Variants in CORIN observed in about 807,000 individuals in gnomAD.
CORIN encodes atrial natriuretic peptide-converting enzyme.
Under a neutral mutation model 125.3 loss-of-function variants are expected in CORIN, and 117 were observed. That is an observed-to-expected ratio of 0.93 (90% CI 0.80 to 1.09). The LOEUF is 1.09. Ranked by LOEUF, CORIN falls within the 50% of genes least tolerant of loss-of-function variation. The pLI is 0.00. For synonymous variants in CORIN, 450 were observed against 466.4 expected, an observed-to-expected ratio of 0.96 and a Z score of 0.45; for missense variants, 1,253 against 1,306.7, an observed-to-expected ratio of 0.96 and a Z score of 0.63.
intron 3 of CORIN, among the ~76,000 whole-genome samples, chr4:47,782,230 C>T (rs779153190): frequency 1.1e-4 from 17 of 151,508 alleles, no homozygotes; most frequent in Non-Finnish European, 2.2e-4. Context: ...ACTAAAAATA[C>T]AAAAATTAGC....
intron 1 of CORIN, among the ~76,000 whole-genome samples, chr4:47,834,625 TAAC>T (rs1295985134): frequency 1.3e-5 from 2 of 152,122 alleles, no homozygotes; most frequent in Non-Finnish European, 2.9e-5. Flanking sequence ...AAAATAATAA[TAAC>T]AATAATAAAG....
intron 10 of CORIN, among the ~76,000 whole-genome samples, chr4:47,671,751 A>AT (rs964189302): frequency 2.5e-3 from 362 of 146,914 alleles, no homozygotes; most frequent in African/African-American, 7.2e-3. Context: ...TGCCCGGCTA[A>AT]TTTTTTTTTT....
At chr4:47,740,031 G>C (rs1273968231) in intron 5 of CORIN, among the ~76,000 whole-genome samples, 2 of 151,838 alleles carry the variant, frequency 1.3e-5, no homozygotes, top group Non-Finnish European at 3.0e-5. Flanking sequence ...AAAAGTCATA[G>C]AGAAAACAAA....
intron 10 of CORIN, among the ~76,000 whole-genome samples, chr4:47,668,854 A>G (rs1489997470): frequency 6.6e-6 from 1 of 152,242 alleles, no homozygotes; most frequent in African/African-American, 2.4e-5. Context: ...TGAATTCGGT[A>G]AGGTTTATTG....
intron 13 of CORIN, among the ~76,000 whole-genome samples, chr4:47,648,297 G>C (rs1417365079): frequency 2.0e-5 from 3 of 152,200 alleles, no homozygotes; most frequent in South Asian, 2.1e-4. Context: ...CTCCAGCACA[G>C]AGACAATAGC....
chr4:47,815,420 T>G (rs957824099), intron 1 of CORIN, among the ~76,000 whole-genome samples: 2 of 152,144 alleles, frequency 1.3e-5, no homozygotes, highest in African/African-American at 4.8e-5. Flanking sequence ...GGAGAATAGT[T>G]TAGCCTTTTA....
intron 16 of CORIN, among the ~76,000 whole-genome samples, chr4:47,633,316 A>G (rs1722912376): frequency 6.6e-6 from 1 of 152,202 alleles, no homozygotes; most frequent in Non-Finnish European, 1.5e-5. Context: ...AATGTGAACT[A>G]AAATTTAAAT....
rs757250137 is a variant in CORIN, at chr4:47,744,498, G to T, written c.703C>A (p.Pro235Thr). 4.3e-6 allele frequency: 7 copies of T among 1,613,872 alleles called. No individual in the cohort carries two copies. The highest frequency in any genetic ancestry group is 5.9e-6 in the Non-Finnish European group (7 of 1,179,964). Residue 235 changes from proline to threonine, a missense_variant, in exon 5 of 22, where the codon CCG (proline) becomes ACG (threonine). Coordinates refer to ENST00000273857, the MANE Select transcript of CORIN (RefSeq NM_006587.4). ...SVLGMVNYSW[P>T]DFLRCSQFRN... Reference sequence around the variant, plus strand: ...AACTGGGAGCATCTGAGGAAATCCGGCCAGGAGTAATTCACCATCCCCAGG... The same window carrying T: ...AACTGGGAGCATCTGAGGAAATCCGTCCAGGAGTAATTCACCATCCCCAGG...
intron 5 of CORIN, among the ~76,000 whole-genome samples, chr4:47,740,708 C>T (rs1050987768): frequency 1.3e-5 from 2 of 151,994 alleles, no homozygotes; most frequent in East Asian, 1.9e-4. Context: ...AGTATGCACA[C>T]TTCATAATTT....
At chr4:47,596,581 ATAGT>A (rs1034047272) in intron 21 of CORIN, among the ~76,000 whole-genome samples, 1 of 152,218 alleles carries the variant, frequency 6.6e-6, no homozygotes, top group African/African-American at 2.4e-5. Flanking sequence ...TCCCCCAAAT[ATAGT>A]TAATGATAAA....
At chr4:47,632,192 T>C (rs1722832807) in intron 16 of CORIN, 1 of 152,204 alleles carries the variant, frequency 6.6e-6, no homozygotes, top group South Asian at 2.1e-4. Flanking sequence ...AAGACAGAAG[T>C]GCAGGAATTA....
intron 21 of CORIN, among the ~76,000 whole-genome samples, chr4:47,599,229 A>G (rs1441341040): frequency 3.3e-5 from 5 of 152,216 alleles, no homozygotes; most frequent in Non-Finnish European, 7.3e-5. Flanking sequence ...GCCATGAAGC[A>G]GAAAGGAGGG....
intron 11 of CORIN, among the ~76,000 whole-genome samples, chr4:47,663,633 T>C (rs1266199171): frequency 6.6e-6 from 1 of 152,168 alleles, no homozygotes; most frequent in Non-Finnish European, 1.5e-5. Flanking sequence ...AAATTCACAT[T>C]TATATTTATA....
At chr4:47,665,865 A>G (rs1187489628) in intron 10 of CORIN, among the ~76,000 whole-genome samples, 5 of 152,224 alleles carry the variant, frequency 3.3e-5, no homozygotes, top group Non-Finnish European at 5.9e-5. Flanking sequence ...CTAACTTTTC[A>G]GCTTCATTGC....
chr4:47,825,991 C>A (rs1288347252), intron 1 of CORIN, among the ~76,000 whole-genome samples: 1 of 152,210 alleles, frequency 6.6e-6, no homozygotes, highest in Admixed American at 6.5e-5. Context: ...GTGTGAGCCA[C>A]TGAATCCAGC....
chr4:47,645,387 G>T (rs184321889), intron 13 of CORIN, among the ~76,000 whole-genome samples, 193 bp from the exon 14 acceptor site: 1 of 146,936 alleles, frequency 6.8e-6, no homozygotes, highest in South Asian at 2.2e-4. Flanking sequence ...GGAGGCGGAG[G>T]TTGCAGTGAG....
intron 10 of CORIN, among the ~76,000 whole-genome samples, chr4:47,673,493 C>T (rs1051483032): frequency 3.9e-5 from 6 of 152,052 alleles, no homozygotes; most frequent in Non-Finnish European, 8.8e-5. Context: ...GTGAAAGAAG[C>T]GAGTATAACA....
intron 10 of CORIN, among the ~76,000 whole-genome samples, chr4:47,672,736 A>C (rs983277762): frequency 6.6e-6 from 1 of 152,048 alleles, no homozygotes; most frequent in African/African-American, 2.4e-5. Context: ...GTAAAATGGC[A>C]GTTTGAGTGT....
intron 3 of CORIN, among the ~76,000 whole-genome samples, chr4:47,774,684 T>C (rs1730211293): frequency 6.6e-6 from 1 of 152,170 alleles, no homozygotes; most frequent in Admixed American, 6.5e-5. Flanking sequence ...CTGGCTAGTA[T>C]TTTCTGAGTT....
Sources: gnomAD v4.1 joint callset for allele counts (sites outside exome capture counted in the v4.1 genomes callset) on GRCh38, gnomAD v4.1.1 for gene constraint, MANE v1.5 for transcripts, NCBI Gene and HGNC (gene_info 2026-07-23, HGNC 2026-07-21) for gene names.